KIAA1328: variants seen among roughly 807,000 people sequenced by gnomAD.
The protein encoded by KIAA1328 is KIAA1328.
Under a neutral mutation model 68.1 loss-of-function variants are expected in KIAA1328, and 52 were observed. The observed-to-expected ratio is 0.76, with a 90% CI of 0.61 to 0.96. KIAA1328 has a LOEUF of 0.96. KIAA1328 is among the 40% of genes least tolerant of loss of function. The probability of loss-of-function intolerance (pLI) is 0.00; values close to 1 mark genes in which losing one functional copy is unlikely to be tolerated. For missense variants in KIAA1328, 641 were observed against 677.6 expected, an observed-to-expected ratio of 0.95 and a Z score of 0.60; for synonymous variants, 232 against 239.4, an observed-to-expected ratio of 0.97 and a Z score of 0.28.
chr18:36,913,543 TAC>T (rs34096013), intron 5 of KIAA1328, among the ~76,000 whole-genome samples: 26,795 of 131,200 alleles, frequency 0.2, 3,547 homozygotes, highest in African/African-American at 0.38. Context: ...AGCAACTGCC[TAC>T]ACACACACAC....
intron 5 of KIAA1328, chr18:36,901,935 A>G (rs1351407603): frequency 6.6e-6 from 1 of 152,044 alleles, no homozygotes; most frequent in Non-Finnish European, 1.5e-5. Flanking sequence ...TGAAGAAACT[A>G]CTATAGAGGT....
intron 6 of KIAA1328, among the ~76,000 whole-genome samples, chr18:36,989,633 C>T (rs1451172205): frequency 6.6e-6 from 1 of 152,132 alleles, no homozygotes; most frequent in Non-Finnish European, 1.5e-5. Flanking sequence ...GCCCATGAGC[C>T]AAGGAAGACA....
intron 5 of KIAA1328, chr18:36,923,917 A>G (rs1205184223): frequency 6.6e-6 from 1 of 152,194 alleles, no homozygotes; most frequent in Non-Finnish European, 1.5e-5. Context: ...TTCTGATTTG[A>G]TGAGAGTGTA....
At chr18:37,187,258 C>CA (rs2059821417) in intron 9 of KIAA1328, among the ~76,000 whole-genome samples, 1 of 151,848 alleles carries the variant, frequency 6.6e-6, no homozygotes, top group South Asian at 2.1e-4. Context: ...TCTTAGCAGA[C>CA]AAGGGAAGAG....
At chr18:36,877,524 T>A (rs957653479) in intron 4 of KIAA1328, among the ~76,000 whole-genome samples, 12 of 151,048 alleles carry the variant, frequency 7.9e-5, no homozygotes, top group East Asian at 5.8e-4. Context: ...GTTTTTTTTT[T>A]TTTTTTGCTT....
chr18:36,894,543 TGA>T (rs2048806919), intron 5 of KIAA1328, among the ~76,000 whole-genome samples: 1 of 152,072 alleles, frequency 6.6e-6, no homozygotes, highest in Non-Finnish European at 1.5e-5. Context: ...CTTTTTTTTT[TGA>T]GACAGGGTCT....
intron 6 of KIAA1328, among the ~76,000 whole-genome samples, chr18:37,018,042 T>C (rs1009934428): frequency 2.1e-4 from 32 of 152,276 alleles, no homozygotes; most frequent in African/African-American, 7.0e-4. Context: ...TATTGTGTTT[T>C]TGGTTTATAG....
intron 5 of KIAA1328, among the ~76,000 whole-genome samples, chr18:36,915,468 G>A (rs980409980): frequency 2.6e-5 from 4 of 152,128 alleles, no homozygotes; most frequent in African/African-American, 7.2e-5. Flanking sequence ...ATCTAAAGAA[G>A]TCTGAAAACT....
intron 9 of KIAA1328, among the ~76,000 whole-genome samples, chr18:37,212,462 ATGTGGGGCCCCT>A (rs2154220360): frequency 6.6e-6 from 1 of 152,272 alleles, no homozygotes; most frequent in African/African-American, 2.4e-5. Flanking sequence ...TAAAATGAAA[ATGTGGGGCCCCT>A]TGTTCAGAAA....
chr18:36,985,040 C>T (rs2052858292), intron 6 of KIAA1328, among the ~76,000 whole-genome samples: 1 of 151,964 alleles, frequency 6.6e-6, no homozygotes, highest in Non-Finnish European at 1.5e-5. Context: ...CAGTGGCTCA[C>T]ACCTAAAATT....
At chr18:37,015,199 A>G (rs1158326528) in intron 6 of KIAA1328, among the ~76,000 whole-genome samples, 5 of 152,124 alleles carry the variant, frequency 3.3e-5, no homozygotes, top group African/African-American at 4.8e-5. Context: ...GTAGGGATCT[A>G]GTTTTGTTCT....
chr18:36,937,022 A>G (rs749596121), intron 5 of KIAA1328, among the ~76,000 whole-genome samples: 65 of 152,342 alleles, frequency 4.3e-4, no homozygotes, highest in Admixed American at 2.0e-3. Flanking sequence ...ATATAAACCA[A>G]TGGAGCAAAA....
intron 7 of KIAA1328, chr18:37,084,102 A>T (rs1380965060): frequency 7.2e-7 from 1 of 1,398,318 alleles, no homozygotes; most frequent in African/African-American, 1.5e-5. Flanking sequence ...AAGATTAGAA[A>T]TTTTTTAAAT....
intron 7 of KIAA1328, among the ~76,000 whole-genome samples, chr18:37,155,060 T>A (rs1441528520): frequency 2.6e-5 from 4 of 152,204 alleles, no homozygotes. Flanking sequence ...TACAAATGGA[T>A]GATTTCTATT....
chr18:37,027,438 G>A (rs2054630692), intron 6 of KIAA1328, among the ~76,000 whole-genome samples: 1 of 152,130 alleles, frequency 6.6e-6, no homozygotes, highest in Non-Finnish European at 1.5e-5. Context: ...GAACAAAGCT[G>A]GAAGCATCAC....
chr18:37,080,728 C>T (rs2056921108), intron 7 of KIAA1328, among the ~76,000 whole-genome samples: 2 of 149,634 alleles, frequency 1.3e-5, no homozygotes, highest in South Asian at 2.1e-4. Context: ...TGCAGTGAGC[C>T]GAGATCGCGC....
chr18:36,943,865 T>G (rs1273878162), intron 5 of KIAA1328, among the ~76,000 whole-genome samples: 1 of 152,188 alleles, frequency 6.6e-6, no homozygotes, highest in Non-Finnish European at 1.5e-5. Context: ...GAACTAATCA[T>G]GAGATATTAT....
chr18:37,218,854 T>C (rs1010764670), intron 9 of KIAA1328, among the ~76,000 whole-genome samples: 1 of 152,256 alleles, frequency 6.6e-6, no homozygotes, highest in Admixed American at 6.5e-5. Flanking sequence ...CTTTGTTCCA[T>C]TGCTGGCGAG....
chr18:36,844,384 A>G (rs1476737352), intron 4 of KIAA1328, 82 bp downstream of exon 4: 4 of 833,180 alleles, frequency 4.8e-6, no homozygotes, highest in East Asian at 5.9e-5. Context: ...ATATATTTTG[A>G]TGACTTAATA....
Sources: allele counts gnomAD v4.1 joint callset (sites outside exome capture counted in the v4.1 genomes callset), GRCh38; gene constraint gnomAD v4.1.1; transcripts MANE v1.5; gene names NCBI Gene and HGNC (gene_info 2026-07-23, HGNC 2026-07-21).